CLEC20A: variants seen among roughly 807,000 people sequenced by gnomAD.
CLEC20A encodes the protein putative C-type lectin domain family 20 member A.
At chr1:178,488,824 G>A (rs1376553017) in intron 4 of CLEC20A, among the ~76,000 whole-genome samples, 2 of 152,210 alleles carry the variant, frequency 1.3e-5, no homozygotes, top group Admixed American at 6.5e-5. Context: ...GCATCTTTAA[G>A]GATAAGGATC....
intron 5 of CLEC20A, chr1:178,484,517 CT>C: frequency 6.6e-6 from 1 of 151,234 alleles, no homozygotes; most frequent in Non-Finnish European, 1.5e-5. Context: ...GAGATCCTGT[CT>C]TTAAAAAAAA....
chr1:178,481,161 AGTTG>A (rs1392860281), intron 7 of CLEC20A: 14 of 152,230 alleles, frequency 9.2e-5, no homozygotes, highest in African/African-American at 3.4e-4. Context: ...TGTAAGATTC[AGTTG>A]GTTATATGAA....
At chr1:178,497,157 C>A (rs1649417722), upstream of CLEC20A, 3 of 393,124 alleles carry the variant, frequency 7.6e-6, no homozygotes, top group Non-Finnish European at 1.3e-5. Context: ...GCTGGAGATG[C>A]GGCCTGGAGG....
chr1:178,498,883 GCAGC>G (rs1649461404), upstream of CLEC20A, among the ~76,000 whole-genome samples: 1 of 152,176 alleles, frequency 6.6e-6, no homozygotes, highest in Non-Finnish European at 1.5e-5. Context: ...ATTTGTTAAT[GCAGC>G]CACAAAAATG....
chr1:178,497,170 G>T, upstream of CLEC20A: 2 of 392,098 alleles, frequency 5.1e-6, no homozygotes, highest in Non-Finnish European at 9.0e-6. Flanking sequence ...CCTGGAGGAT[G>T]CGGAAGAGAT....
intron 4 of CLEC20A, 139 bp from the exon 5 acceptor site, chr1:178,488,738 A>G (rs931562323): frequency 7.6e-6 from 3 of 396,436 alleles, no homozygotes; most frequent in Admixed American, 8.8e-5. Context: ...TTGTACATCT[A>G]CCGTGTGCCA....
intron 5 of CLEC20A, chr1:178,483,571 A>C (rs926285871): frequency 3.1e-5 from 8 of 255,806 alleles, no homozygotes; most frequent in African/African-American, 1.8e-4. Flanking sequence ...TTCCTCATCA[A>C]ATTTTTTTTG....
chr1:178,489,827 T>G (rs1649230610), intron 4 of CLEC20A, among the ~76,000 whole-genome samples: 1 of 152,256 alleles, frequency 6.6e-6, no homozygotes, highest in South Asian at 2.1e-4. Flanking sequence ...TAATTGCCAC[T>G]GCCCTAAGGC....
At chr1:178,488,130 C>A (rs907826185) in intron 5 of CLEC20A, among the ~76,000 whole-genome samples, 3 of 152,204 alleles carry the variant, frequency 2.0e-5, no homozygotes, top group African/African-American at 4.8e-5. Context: ...TCTGATGATT[C>A]TTCCTCAGGA....
intron 5 of CLEC20A, among the ~76,000 whole-genome samples, chr1:178,485,637 G>C (rs1182684695): frequency 6.6e-6 from 1 of 152,156 alleles, no homozygotes; most frequent in Non-Finnish European, 1.5e-5. Context: ...GTCTCCGTTA[G>C]TTCCTATGAG....
chr1:178,492,618 A>C (rs1304403146), intron 2 of CLEC20A, 52 bp from the exon 3 acceptor site: 1 of 398,498 alleles, frequency 2.5e-6, no homozygotes, highest in Non-Finnish European at 4.4e-6. Context: ...GATCCTCTGC[A>C]GGCAGGAGCT....
chr1:178,494,729 C>T (rs760670138), exon 2 of CLEC20A: 21 of 399,078 alleles, frequency 5.3e-5, no homozygotes, highest in Non-Finnish European at 8.4e-5. Context: ...GTAGTGCAGC[C>T]GGCAGTGCTG....
exon 3 of CLEC20A, chr1:178,492,548 A>G (rs1649289542): frequency 2.5e-6 from 1 of 398,362 alleles, no homozygotes. Context: ...CGTGGAGATG[A>G]GGTGCCCGAC....
At chr1:178,487,579 CA>C (rs1228729853) in intron 5 of CLEC20A, among the ~76,000 whole-genome samples, 3 of 152,338 alleles carry the variant, frequency 2.0e-5, no homozygotes, top group South Asian at 4.1e-4. Flanking sequence ...TGGACAATTA[CA>C]GGGGGGGATG....
upstream of CLEC20A, among the ~76,000 whole-genome samples, chr1:178,498,514 T>C (rs950400287): frequency 1.3e-5 from 2 of 152,054 alleles, no homozygotes; most frequent in African/African-American, 4.8e-5. Flanking sequence ...TGCTTGAGCA[T>C]GGGAGGTTAA....
At chr1:178,492,807 T>G (rs1237122461) in intron 2 of CLEC20A, among the ~76,000 whole-genome samples, 2 of 152,100 alleles carry the variant, frequency 1.3e-5, no homozygotes, top group Admixed American at 6.5e-5. Context: ...GAAGAGAATA[T>G]GAGAAGGAGC....
At chr1:178,488,535 T>A (rs1014775868) in exon 5 of CLEC20A, 6 of 398,644 alleles carry the variant, frequency 1.5e-5, no homozygotes, top group Non-Finnish European at 2.7e-5. Flanking sequence ...CCTCTGTCAT[T>A]TCTGTGGGGG....
chr1:178,488,695 A>G (rs1649207790), intron 4 of CLEC20A, 96 bp from the exon 5 acceptor site: 3 of 398,014 alleles, frequency 7.5e-6, no homozygotes, highest in Non-Finnish European at 1.3e-5. Flanking sequence ...TTGGTTGCCC[A>G]TCATGGTAGC....
chr1:178,489,315 G>C (rs71628283), intron 4 of CLEC20A, among the ~76,000 whole-genome samples: 8 of 151,926 alleles, frequency 5.3e-5, no homozygotes, highest in Non-Finnish European at 1.2e-4. Context: ...GTGAGCTGAG[G>C]ACCACTGCAC....
Sources: allele counts gnomAD v4.1 joint callset (sites outside exome capture counted in the v4.1 genomes callset), GRCh38; gene constraint gnomAD v4.1.1; transcripts MANE v1.5; gene names NCBI Gene and HGNC (gene_info 2026-07-23, HGNC 2026-07-21).